Variants in PATJ observed in about 807,000 individuals in gnomAD.
PATJ encodes inaD-like protein.
In PATJ, 190 loss-of-function variants were observed where a neutral mutation model predicts 224.9. The ratio of observed to expected loss-of-function variants is 0.84; its 90% CI spans 0.75 to 0.95. The LOEUF (loss-of-function observed/expected upper bound fraction) is 0.95, where lower values mean the gene tolerates loss of function less well. PATJ is among the 40% of genes least tolerant of loss of function. The pLI is 0.00. For synonymous variants in PATJ, 769 were observed against 820.3 expected (o/e 0.94, Z 1.07); for missense variants, 2,121 against 2,270.3 (o/e 0.93, Z 1.34).
intron 14 of PATJ, among the ~76,000 whole-genome samples, chr1:61,813,344 T>G (rs12755345): frequency 0.45 from 39,182 of 87,556 alleles, 7,452 homozygotes; most frequent in Middle Eastern, 0.57. Flanking sequence ...CATATATATA[T>G]ATATATATAT....
intron 16 of PATJ, among the ~76,000 whole-genome samples, chr1:61,832,778 T>G (rs563245107): frequency 6.6e-6 from 1 of 152,170 alleles, no homozygotes; most frequent in African/African-American, 2.4e-5. Context: ...GATAGAAGTT[T>G]AGAGTATTTT....
chr1:61,743,587 T>C (rs770280876), intron 1 of PATJ, among the ~76,000 whole-genome samples: 2 of 152,200 alleles, frequency 1.3e-5, no homozygotes, highest in Non-Finnish European at 2.9e-5. Context: ...TACTACCACA[T>C]TCTGGGCTAA....
At chr1:62,152,997 G>T (rs1255480937) in intron 42 of PATJ, among the ~76,000 whole-genome samples, 3 of 151,596 alleles carry the variant, frequency 2.0e-5, no homozygotes, top group Non-Finnish European at 4.4e-5. Flanking sequence ...AAATTAGCCA[G>T]GTATGGCACA....
intron 13 of PATJ, among the ~76,000 whole-genome samples, chr1:61,805,918 G>GA (rs1357651939): frequency 6.6e-6 from 1 of 152,194 alleles, no homozygotes; most frequent in Non-Finnish European, 1.5e-5. Flanking sequence ...AAGGACTGTG[G>GA]ATATTAGTCC....
intron 14 of PATJ, among the ~76,000 whole-genome samples, chr1:61,822,443 A>G (rs199604639): frequency 6.6e-6 from 1 of 151,210 alleles, no homozygotes. Flanking sequence ...AAAAAAAAAA[A>G]AAAGAAAAGA....
At chr1:61,744,284 C>CAAAAAAAA (rs35247131) in intron 1 of PATJ, among the ~76,000 whole-genome samples, 1 of 69,676 alleles carries the variant, frequency 1.4e-5, no homozygotes, top group Non-Finnish European at 2.5e-5. Context: ...AACCCTGTCT[C>CAAAAAAAA]AAAAAAAAAA....
rs116525773 is a variant in PATJ, at chr1:61,976,131, G to T, written c.3671-14037G>T. ...ATTGCCTATACGTGTTCCATGTCTC[G>T]CCTTAAATTGTCGATTCCAAAAGGG... is the stretch of plus-strand genomic sequence containing the variant. On this transcript the variant is annotated intron_variant, in intron 27 of 43. Coordinates refer to ENST00000642238, the MANE Select transcript of PATJ (RefSeq NM_001350145.3). Among the ~76,000 whole-genome samples, 822 of 151,964 alleles carry T rather than the reference G, an allele frequency of 5.4e-3. 11 individuals are homozygous for T. Among genetic ancestry groups the T allele is most frequent in the Middle Eastern group, 0.027 (8 of 294 alleles).
chr1:62,076,961 G>T (rs1658406399), intron 31 of PATJ, among the ~76,000 whole-genome samples: 1 of 152,136 alleles, frequency 6.6e-6, no homozygotes, highest in Admixed American at 6.6e-5. Context: ...GTCAGTTGGG[G>T]AATGATATGG....
rs1207386738 is a variant in PATJ at position 62,128,020 on chromosome 1, C to T, written c.5092C>T (p.Pro1698Ser). 2 of 1,613,966 alleles carry T rather than the reference C, an allele frequency of 1.2e-6. No homozygotes were observed. Among genetic ancestry groups the T allele is most frequent in the East Asian group, 4.5e-5 (2 of 44,874 alleles). ...CAGTATTGCTGGAGGAAGAGGAAGT[C>T]CCTTAGGAGATATCCCCGTATTTAT... ...GISIAGGRGS[P>S]LGDIPVFIAM... The change falls in exon 40 of 44, where the codon CCC becomes TCC. Residue 1698 changes from proline to serine, a missense_variant. Pro to Ser is a moderately conservative substitution (Grantham distance 74). Transcript: ENST00000642238.
At chr1:62,046,256 GGGAAA>G in intron 30 of PATJ, among the ~76,000 whole-genome samples, 2 of 150,100 alleles carry the variant, frequency 1.3e-5, no homozygotes, top group Non-Finnish European at 3.0e-5. Context: ...GAGGGAGGGA[GGGAAA>G]GGATCCACAT....
intron 9 of PATJ, 127 bp downstream of exon 9, chr1:61,791,574 C>G (rs1557651764): frequency 1.9e-6 from 1 of 532,700 alleles, no homozygotes; most frequent in Non-Finnish European, 3.3e-6. Flanking sequence ...TCTATACTAG[C>G]AAGCAGTCAC....
chr1:62,061,307 G>T (rs561413759), intron 31 of PATJ, among the ~76,000 whole-genome samples: 1 of 151,432 alleles, frequency 6.6e-6, no homozygotes, highest in South Asian at 2.1e-4. Flanking sequence ...TCAGCCTCCC[G>T]AGTAGCTGGG....
chr1:61,944,074 C>A (rs1275354430), intron 27 of PATJ, among the ~76,000 whole-genome samples: 1 of 152,150 alleles, frequency 6.6e-6, no homozygotes, highest in African/African-American at 2.4e-5. Flanking sequence ...GGTATGTCAC[C>A]ATCATCAGGG....
chr1:61,933,410 G>A lies in PATJ; in HGVS notation c.3670+5581G>A, dbSNP rs1348568924. Reference sequence around the variant, plus strand: ...AAAAAATTAGCTGGGCGTAGTGGCGGGCTCCTTGTAATCCTAGCTACTTGG... The same window carrying A: ...AAAAAATTAGCTGGGCGTAGTGGCGAGCTCCTTGTAATCCTAGCTACTTGG... On this transcript the variant is annotated intron_variant, in intron 27 of 43. Coordinates refer to ENST00000642238, the MANE Select transcript of PATJ (RefSeq NM_001350145.3). Among the ~76,000 whole-genome samples the A allele has an allele frequency of 2.6e-5, 4 of 151,878 alleles. No individual in the cohort carries two copies. The East Asian group carries it at 5.8e-4, about 22-fold the overall frequency.
At position 62,148,388 on chromosome 1, in the gene PATJ, AGAGT is replaced by A. The variant is rs763878953; in HGVS notation, c.5378+3_5378+6del. The stretch of plus-strand genomic sequence containing the variant: ...CTGCTGAACACCATCCAGAAGACAC[AGAGT>A]GAGTATTTCAGATGCAGAGGGCCTA... On this transcript the variant is annotated splice_donor_variant and coding_sequence_variant, in exon 42 of 44. Transcript: ENST00000642238. LOFTEE classifies it high-confidence loss of function. 46 of 1,607,488 alleles carry A rather than the reference AGAGT, an allele frequency of 2.9e-5. No individual in the cohort carries two copies. Among genetic ancestry groups the A allele is most frequent in the African/African-American group, 2.1e-4 (16 of 74,934 alleles).
At chr1:61,854,757 A>G (rs1369159331) in intron 17 of PATJ, among the ~76,000 whole-genome samples, 1 of 152,232 alleles carries the variant, frequency 6.6e-6, no homozygotes, top group Non-Finnish European at 1.5e-5. Context: ...AGCCCAACAT[A>G]TAGTAAGTGC....
intron 7 of PATJ, among the ~76,000 whole-genome samples, chr1:61,786,918 G>A (rs966728345): frequency 4.6e-5 from 7 of 152,086 alleles, no homozygotes; most frequent in East Asian, 1.9e-4. Flanking sequence ...CCTGGGAGGC[G>A]GAGGTTGCAG....
rs915792708 is a variant in PATJ at position 61,843,488 on chromosome 1, C to T, written c.2112+9703C>T. On this transcript the variant is annotated intron_variant, in intron 17 of 43. Transcript: ENST00000642238. ...GGTGTGGTGGCTCATGCCTGTAATC[C>T]CAACACTGGGAGGCTGAGGCAGGAG... 4.6e-5 allele frequency among the ~76,000 whole-genome samples: 7 copies of T among 151,868 alleles called. 1 individual carries two copies. Among genetic ancestry groups the T allele is most frequent in the Admixed American group, 3.9e-4 (6 of 15,246 alleles).
intron 28 of PATJ, among the ~76,000 whole-genome samples, chr1:62,002,159 G>T (rs371783770): frequency 1.2e-3 from 179 of 152,154 alleles, no homozygotes; most frequent in African/African-American, 4.0e-3. Flanking sequence ...CTACCTAGAG[G>T]CTTTGGGATC....
Sources: gnomAD v4.1 joint callset for allele counts (sites outside exome capture counted in the v4.1 genomes callset) on GRCh38, gnomAD v4.1.1 for gene constraint, MANE v1.5 for transcripts, NCBI Gene and HGNC (gene_info 2026-07-23, HGNC 2026-07-21) for gene names.